The following TJP2 variants were observed in gnomAD, a reference collection of about 807,000 sequenced individuals.
TJP2 encodes the protein Friedreich ataxia region gene X104 (tight junction protein ZO-2).
A neutral mutation model predicts 133.1 loss-of-function variants in TJP2; 91 were observed. The observed-to-expected ratio is 0.68, with a 90% confidence interval of 0.58 to 0.81. The LOEUF is 0.81. Ranked by LOEUF, TJP2 falls within the 40% of genes least tolerant of loss-of-function variation. TJP2 has a pLI of 0.00. For synonymous variants in TJP2, 592 were observed against 583.4 expected, an observed-to-expected ratio of 1.01 and a Z score of -0.21; for missense variants, 1,541 against 1,565.6, an observed-to-expected ratio of 0.98 and a Z score of 0.26.
intron 2 of TJP2, among the ~76,000 whole-genome samples, chr9:69,165,024 G>A (rs1024179943): frequency 6.6e-6 from 1 of 152,132 alleles, no homozygotes; most frequent in Non-Finnish European, 1.5e-5. Context: ...GAGACGGGGT[G>A]TCACCACATT....
At chr9:69,210,480 A>G (rs1827809731) in intron 1 of TJP2, among the ~76,000 whole-genome samples, 1 of 152,174 alleles carries the variant, frequency 6.6e-6, no homozygotes, top group African/African-American at 2.4e-5. Context: ...TTTCACCTGA[A>G]AATTCACTTT....
intron 1 of TJP2, among the ~76,000 whole-genome samples, chr9:69,148,956 A>C (rs1823344313): frequency 6.6e-6 from 1 of 152,168 alleles, no homozygotes; most frequent in Admixed American, 6.5e-5. Context: ...ACTAACCTAA[A>C]ATACCCAGCC....
upstream of TJP2, chr9:69,174,189 G>T (rs1824870973): frequency 1.4e-6 from 2 of 1,384,618 alleles, no homozygotes; most frequent in Non-Finnish European, 1.9e-6. Context: ...CTCGGGTCGG[G>T]GGCGGGCTGA....
intron 1 of TJP2, chr9:69,205,079 C>T (rs1469916031): frequency 8.6e-6 from 13 of 1,516,320 alleles, no homozygotes; most frequent in Non-Finnish European, 1.1e-5. Flanking sequence ...TTGTATCCGC[C>T]TTACGTAACC....
intron 22 of TJP2, 68 bp downstream of exon 22, chr9:69,252,968 A>C: frequency 1.3e-6 from 2 of 1,481,976 alleles, no homozygotes; most frequent in South Asian, 2.3e-5. Flanking sequence ...TGAAGAAAGA[A>C]TTTCCTTTAC....
chr9:69,221,045 C>T lies in TJP2; in HGVS notation c.501C>T (p.Arg167=). The T allele has an allele frequency of 1.2e-6, 2 of 1,605,856 alleles. No homozygotes were observed. Among genetic ancestry groups the T allele is most frequent in the Non-Finnish European group, 1.7e-6 (2 of 1,176,948 alleles). Residue 167 remains arginine, a synonymous_variant, in exon 5 of 23, where the codon CGC becomes CGT. Coordinates refer to ENST00000377245, the MANE Select transcript of TJP2 (RefSeq NM_004817.4). ...GCCGGCTGAACAGCCATGGGGGGCGCAGCCGCAGCTGGGAGGACAGCCCGG... is the reference window on the plus strand; with the variant it reads ...GCCGGCTGAACAGCCATGGGGGGCGTAGCCGCAGCTGGGAGGACAGCCCGG... The part of the protein sequence containing the change: ...ERSRLNSHGG[R]SRSWEDSPER...
chr9:69,246,308 C>T (rs1830922351), intron 17 of TJP2: 2 of 288,260 alleles, frequency 6.9e-6, no homozygotes, highest in Admixed American at 9.3e-5. Context: ...GTAGCCAATA[C>T]AGTATATTAG....
At chr9:69,140,521 C>T (rs1021040558) in intron 1 of TJP2, among the ~76,000 whole-genome samples, 4 of 152,166 alleles carry the variant, frequency 2.6e-5, no homozygotes, top group Non-Finnish European at 5.9e-5. Flanking sequence ...TGCTGTCAGC[C>T]AACTGCTGTA....
At chr9:69,234,569 G>A (rs1830039151) in intron 12 of TJP2, 22 bp downstream of exon 12, 1 of 357,464 alleles carries the variant, frequency 2.8e-6, no homozygotes, top group Non-Finnish European at 5.4e-6. Flanking sequence ...TGGTCATTTA[G>A]TTTAGTTGGG....
chr9:69,205,297 A>C, intron 1 of TJP2: 1 of 1,536,848 alleles, frequency 6.5e-7, no homozygotes, highest in Non-Finnish European at 8.7e-7. Context: ...AGGGGAGGGA[A>C]GCAAAACCAT....
At chr9:69,164,154 T>A (rs1388538486) in intron 2 of TJP2, among the ~76,000 whole-genome samples, 1 of 152,208 alleles carries the variant, frequency 6.6e-6, no homozygotes, top group Non-Finnish European at 1.5e-5. Flanking sequence ...AAGAGGCCCA[T>A]GCAAATTTGC....
At chr9:69,251,927 T>G (rs1831364229) in intron 21 of TJP2, among the ~76,000 whole-genome samples, 1 of 152,220 alleles carries the variant, frequency 6.6e-6, no homozygotes, top group South Asian at 2.1e-4. Context: ...ATTTTTCTTT[T>G]CTTGTCGTAA....
intron 1 of TJP2, among the ~76,000 whole-genome samples, chr9:69,140,198 C>T (rs1318165377): frequency 6.6e-6 from 1 of 152,184 alleles, no homozygotes; most frequent in Non-Finnish European, 1.5e-5. Flanking sequence ...AGAAATGAAG[C>T]CACAACTAGT....
intron 1 of TJP2, among the ~76,000 whole-genome samples, chr9:69,133,546 CTTTTTTTT>C (rs10577570): frequency 1.3e-3 from 133 of 104,764 alleles, no homozygotes; most frequent in Admixed American, 2.9e-3. Flanking sequence ...ATTTTTCTGG[CTTTTTTTT>C]TTTTTTTTTT....
Position 69,228,270 on chromosome 9 carries a change from A to G in TJP2, c.1453+156A>G, listed in dbSNP as rs562750587. 1.1e-3 allele frequency among the ~76,000 whole-genome samples: 167 copies of G among 152,358 alleles called. 1 individual carries two copies. The highest frequency in any genetic ancestry group is 3.9e-3 in the African/African-American group (164 of 41,590). On this transcript the variant is annotated intron_variant, in intron 9 of 22. Coordinates refer to ENST00000377245, the MANE Select transcript of TJP2 (RefSeq NM_004817.4). ...TTAACATGGTAACAGAAAACCACAC[A>G]GCACATGTTCTGACTTTTAAGTGGG...
At chr9:69,130,754 G>A (rs145188244) in intron 1 of TJP2, among the ~76,000 whole-genome samples, 2 of 152,272 alleles carry the variant, frequency 1.3e-5, no homozygotes, top group Non-Finnish European at 2.9e-5. Flanking sequence ...GAGGAATACT[G>A]TGGGGAGGGG....
At chr9:69,164,414 C>A (rs1365988981) in intron 2 of TJP2, among the ~76,000 whole-genome samples, 1 of 152,032 alleles carries the variant, frequency 6.6e-6, no homozygotes, top group Non-Finnish European at 1.5e-5. Context: ...CTCTTAGAGC[C>A]CCTGAGAGGA....
chr9:69,161,260 C>T (rs146798606), intron 2 of TJP2, among the ~76,000 whole-genome samples: 3 of 151,930 alleles, frequency 2.0e-5, no homozygotes, highest in Non-Finnish European at 4.4e-5. Context: ...TGGAGTTTCG[C>T]TCTTGTTGCC....
chr9:69,159,560 A>G (rs971515939), intron 2 of TJP2, among the ~76,000 whole-genome samples: 3 of 152,144 alleles, frequency 2.0e-5, no homozygotes, highest in Non-Finnish European at 4.4e-5. Flanking sequence ...GTCTCTTCTG[A>G]TAGCTTTAGC....
Sources: gnomAD v4.1 joint callset for allele counts (sites outside exome capture counted in the v4.1 genomes callset) on GRCh38, gnomAD v4.1.1 for gene constraint, MANE v1.5 for transcripts, NCBI Gene and HGNC (gene_info 2026-07-23, HGNC 2026-07-21) for gene names.